Variants in CACNB4 observed in about 807,000 individuals in gnomAD.
The protein encoded by CACNB4 is voltage-dependent L-type calcium channel subunit beta-4.
In CACNB4, 32 loss-of-function variants were observed where a neutral mutation model predicts 71.2. The ratio of observed to expected loss-of-function variants is 0.45; its 90% confidence interval spans 0.34 to 0.60. CACNB4 has a LOEUF of 0.60. Among genes scored for constraint, CACNB4 ranks in the 20% least tolerant of loss-of-function variants. The pLI is 0.01. For missense variants in CACNB4, 464 were observed against 647.9 expected (o/e 0.72, Z 3.08); for synonymous variants, 231 against 236.9 (o/e 0.97, Z 0.23).
rs1345883391 is a variant in CACNB4 at position 152,004,532 on chromosome 2, T to TACATACAC, written c.147+93797_147+93798insGTGTATGT. 5.3e-3 allele frequency among the ~76,000 whole-genome samples: 799 copies of TACATACAC among 149,392 alleles called. 4 individuals are homozygous for TACATACAC. The highest frequency in any genetic ancestry group is 0.019 in the African/African-American group (761 of 40,502). ...CCGTGTCCCCCCTACTTTACATACATACACACACACACACACACACACACA... is the reference window on the plus strand; with the variant it reads ...CCGTGTCCCCCCTACTTTACATACATACATACACACACACACACACACACACACACACA... On this transcript the variant is annotated intron_variant, in intron 2 of 13. Transcript: ENST00000539935.
intron 2 of CACNB4, among the ~76,000 whole-genome samples, chr2:152,065,488 G>A (rs557232739): frequency 1.7e-4 from 26 of 152,190 alleles, no homozygotes; most frequent in South Asian, 1.0e-3. Flanking sequence ...GATCACCCCC[G>A]CCCACTGAAG....
chr2:151,840,060 A>C (rs542438377), intron 13 of CACNB4, among the ~76,000 whole-genome samples: 6 of 152,348 alleles, frequency 3.9e-5, no homozygotes, highest in African/African-American at 1.4e-4. Flanking sequence ...TGAAATTAGC[A>C]TCTTAAGATA....
intron 13 of CACNB4, among the ~76,000 whole-genome samples, chr2:151,841,272 C>G (rs955366902): frequency 9.2e-5 from 14 of 152,148 alleles, no homozygotes; most frequent in African/African-American, 2.9e-4. Flanking sequence ...TAAGAAGTGG[C>G]ATTAAGAAGT....
At position 151,870,837 on chromosome 2, in the gene CACNB4, C is replaced by T; in HGVS notation, c.618+5G>A. 1 of 1,601,310 alleles carries T rather than the reference C, an allele frequency of 6.2e-7. No individual in the cohort carries two copies. Among genetic ancestry groups the T allele is most frequent in the Non-Finnish European group, 8.5e-7 (1 of 1,171,440 alleles). ...CAGTAGATTTAAAAAGGAAACACAA[C>T]TTACCACTTTTTGCTTCTGTTTTGC... On this transcript the variant is annotated splice_donor_5th_base_variant and intron_variant, in intron 7 of 13. Transcript: ENST00000539935.
intron 9 of CACNB4, among the ~76,000 whole-genome samples, chr2:151,861,898 G>A (rs891874412): frequency 6.7e-6 from 1 of 148,822 alleles, no homozygotes; most frequent in African/African-American, 2.5e-5. Context: ...AAATGCAGAG[G>A]GGCATCTATT....
At chr2:152,064,970 C>G (rs1017679199) in intron 2 of CACNB4, among the ~76,000 whole-genome samples, 2 of 152,176 alleles carry the variant, frequency 1.3e-5, no homozygotes, top group African/African-American at 4.8e-5. Context: ...CACAGCAGCG[C>G]TCCTATGAAA....
intron 4 of CACNB4, chr2:151,880,123 A>G (rs2099847459): frequency 6.6e-6 from 1 of 152,246 alleles, no homozygotes; most frequent in Non-Finnish European, 1.5e-5. Context: ...GTTGAAGTTG[A>G]TGGGTCCTCA....
intron 6 of CACNB4, 130 bp from the exon 7 acceptor site, chr2:151,870,991 T>G: frequency 1.5e-6 from 1 of 662,824 alleles, no homozygotes; most frequent in East Asian, 2.7e-5. Flanking sequence ...ATCGCCCACT[T>G]TGGAGAACCT....
intron 12 of CACNB4, chr2:151,850,141 C>CTTTCTTTTTTTTTTTTTTTTTTTTTT (rs1553744905): frequency 2.0e-5 from 2 of 98,160 alleles, no homozygotes; most frequent in African/African-American, 4.8e-5. Flanking sequence ...TTCTTTCTTT[C>CTTTCTTTTTTTTTTTTTTTTTTTTTT]TTTTTTTTTT....
intron 2 of CACNB4, among the ~76,000 whole-genome samples, chr2:151,915,786 G>A (rs1264006345): frequency 1.4e-5 from 2 of 145,942 alleles, no homozygotes; most frequent in Non-Finnish European, 3.0e-5. Flanking sequence ...GGCAGAGGTT[G>A]CAGTGAGCTG....
chr2:151,943,207 A>G (rs2099864710), intron 2 of CACNB4, among the ~76,000 whole-genome samples: 1 of 151,802 alleles, frequency 6.6e-6, no homozygotes, highest in Non-Finnish European at 1.5e-5. Flanking sequence ...CTCTCTTTGT[A>G]CTCTTTCTCT....
chr2:151,862,802 A>C (rs1004080791), intron 9 of CACNB4, among the ~76,000 whole-genome samples: 34 of 152,214 alleles, frequency 2.2e-4, no homozygotes, highest in Admixed American at 6.5e-5. Flanking sequence ...GTATCGGGCC[A>C]GTGCCAAGTC....
At chr2:151,865,273 T>C (rs1018475322) in intron 9 of CACNB4, among the ~76,000 whole-genome samples, 1 of 152,218 alleles carries the variant, frequency 6.6e-6, no homozygotes, top group Non-Finnish European at 1.5e-5. Context: ...TGAGTCTCCC[T>C]AAGTTGTATG....
chr2:151,920,428 T>A (rs993412576), intron 2 of CACNB4, among the ~76,000 whole-genome samples: 3 of 150,144 alleles, frequency 2.0e-5, no homozygotes, highest in African/African-American at 7.4e-5. Context: ...GCTCAAGTGA[T>A]CCTTCCGCCT....
chr2:152,052,003 A>C (rs1326363689), intron 2 of CACNB4, among the ~76,000 whole-genome samples: 1 of 152,266 alleles, frequency 6.6e-6, no homozygotes, highest in Non-Finnish European at 1.5e-5. Context: ...ACATAGTGTT[A>C]GCATAATATT....
At chr2:151,982,720 G>T (rs180848204) in intron 2 of CACNB4, among the ~76,000 whole-genome samples, 113 of 152,150 alleles carry the variant, frequency 7.4e-4, no homozygotes, top group African/African-American at 2.6e-3. Context: ...TACAGATGAG[G>T]AACTCACCTT....
rs993418292 is a variant in CACNB4 at position 151,837,828 on chromosome 2, C to T, written c.*1291G>A. 1 of 152,082 alleles carries T rather than the reference C, an allele frequency of 6.6e-6. No individual in the cohort carries two copies. The highest frequency in any genetic ancestry group is 2.4e-5 in the African/African-American group (1 of 41,426). 9.4% of individuals were successfully genotyped at this position (152,082 alleles called of 1,614,324 possible). On this transcript the variant is annotated 3_prime_UTR_variant, in exon 14 of 14. Transcript: ENST00000539935. ...TCTCCAAATTCTTTATAATTTTCTG[C>T]ATTAAAAATGCTATAATTTTAGTCA... is the stretch of plus-strand genomic sequence containing the variant.
intron 2 of CACNB4, among the ~76,000 whole-genome samples, chr2:152,077,698 T>G (rs1252502037): frequency 6.6e-6 from 1 of 152,068 alleles, no homozygotes; most frequent in Non-Finnish European, 1.5e-5. Context: ...GCCATTGCAT[T>G]CTAGCCTGGG....
chr2:151,897,421 C>T (rs2099852357), intron 2 of CACNB4, among the ~76,000 whole-genome samples: 1 of 152,204 alleles, frequency 6.6e-6, no homozygotes, highest in South Asian at 2.1e-4. Flanking sequence ...ATTTTCTCTT[C>T]CCTTCCTCCA....
Sources: gnomAD v4.1 joint callset for allele counts (sites outside exome capture counted in the v4.1 genomes callset) on GRCh38, gnomAD v4.1.1 for gene constraint, MANE v1.5 for transcripts, NCBI Gene and HGNC (gene_info 2026-07-23, HGNC 2026-07-21) for gene names.